Variants in CA1 observed in about 807,000 individuals in gnomAD.
CA1 encodes the protein carbonate dehydratase I.
In CA1, 27 loss-of-function variants were observed where a neutral mutation model predicts 28.8. That is an observed-to-expected ratio of 0.94 (90% CI 0.69 to 1.29). The LOEUF (loss-of-function observed/expected upper bound fraction) is 1.29, where lower values mean the gene tolerates loss of function less well. CA1 is among the 50% of genes most tolerant of loss of function. CA1 has a pLI of 0.00. For synonymous variants in CA1, 121 were observed against 108.8 expected, an observed-to-expected ratio of 1.11 and a Z score of -0.70; for missense variants, 335 against 310.5, an observed-to-expected ratio of 1.08 and a Z score of -0.59.
intron 5 of CA1, among the ~76,000 whole-genome samples, chr8:85,332,850 C>T (rs895664963): frequency 6.6e-6 from 1 of 152,046 alleles, no homozygotes; most frequent in Admixed American, 6.6e-5. Context: ...AAAACTGACA[C>T]AAAAACAAAT....
At chr8:85,348,499 T>C (rs993736061) in intron 1 of CA1, among the ~76,000 whole-genome samples, 1 of 152,188 alleles carries the variant, frequency 6.6e-6, no homozygotes. Flanking sequence ...GCAAGAGCAC[T>C]ATTTGAATTA....
chr8:85,333,711 A>G (rs1265541832), intron 4 of CA1, 91 bp from the exon 5 acceptor site: 3 of 822,950 alleles, frequency 3.6e-6, no homozygotes, highest in East Asian at 2.7e-5. Context: ...ATGATGATGT[A>G]TCTTGGCTTA....
At chr8:85,375,344 T>G (rs1157224955) in intron 1 of CA1, among the ~76,000 whole-genome samples, 1 of 152,184 alleles carries the variant, frequency 6.6e-6, no homozygotes, top group Non-Finnish European at 1.5e-5. Context: ...AACTCACCTA[T>G]CGCATGCTGG....
At chr8:85,375,054 A>T (rs762354514) in intron 1 of CA1, among the ~76,000 whole-genome samples, 2 of 152,220 alleles carry the variant, frequency 1.3e-5, no homozygotes, top group Non-Finnish European at 2.9e-5. Context: ...TATATAAAAC[A>T]TATGATTGTG....
intron 2 of CA1, among the ~76,000 whole-genome samples, chr8:85,339,266 A>T (rs570724970): frequency 6.6e-6 from 1 of 152,232 alleles, no homozygotes; most frequent in East Asian, 1.9e-4. Context: ...GCATGTGTTT[A>T]TTTCACGTCT....
At chr8:85,374,341 T>C (rs1027255883) in intron 1 of CA1, among the ~76,000 whole-genome samples, 1 of 152,164 alleles carries the variant, frequency 6.6e-6, no homozygotes, top group South Asian at 2.1e-4. Flanking sequence ...TTATTTTCTG[T>C]AGAGAGAATA....
chr8:85,345,634 G>A (rs2130254402), intron 1 of CA1, among the ~76,000 whole-genome samples: 1 of 152,220 alleles, frequency 6.6e-6, no homozygotes, highest in South Asian at 2.1e-4. Context: ...TAAAGATGTA[G>A]AAGAGCAGAA....
At chr8:85,337,992 A>G (rs1585922388) in intron 3 of CA1, 5 of 610,274 alleles carry the variant, frequency 8.2e-6, no homozygotes, top group Middle Eastern at 2.8e-4. Context: ...CAGTGAAGTG[A>G]GCATACAGAT....
intron 1 of CA1, among the ~76,000 whole-genome samples, chr8:85,358,640 G>A (rs374491332): frequency 1.3e-5 from 2 of 152,258 alleles, no homozygotes; most frequent in African/African-American, 4.8e-5. Flanking sequence ...CTGCCTTCTG[G>A]TATCCATACC....
chr8:85,338,321 T>C lies in CA1; in HGVS notation c.166A>G (p.Thr56Ala), dbSNP rs776056605. 1.2e-6 allele frequency: 2 copies of C among 1,614,034 alleles called. No homozygotes were observed. Among genetic ancestry groups the C allele is most frequent in the Admixed American group, 3.3e-5 (2 of 60,010 alleles). ...KPISVSYNPA[T>A]AKEIINVGHS... Reference sequence around the variant, plus strand: ...CCCACATTGATAATTTCTTTGGCTGTGGCTGGGTTGTAGGAGACACTAATA... The same window carrying C: ...CCCACATTGATAATTTCTTTGGCTGCGGCTGGGTTGTAGGAGACACTAATA... Residue 56 changes from threonine to alanine, a missense_variant, in exon 3 of 8, where the codon ACA (threonine) becomes GCA (alanine). Coordinates refer to ENST00000523022, the MANE Select transcript of CA1 (RefSeq NM_001128831.4).
intron 4 of CA1, 23 bp from the exon 5 acceptor site, chr8:85,333,643 T>A: frequency 7.1e-7 from 1 of 1,402,400 alleles, no homozygotes; most frequent in Non-Finnish European, 1.0e-6. Flanking sequence ...CTATGGTTAA[T>A]TAATTATTTA....
chr8:85,365,609 A>G (rs1457945530), intron 1 of CA1, among the ~76,000 whole-genome samples: 3 of 152,298 alleles, frequency 2.0e-5, no homozygotes, highest in South Asian at 2.1e-4. Context: ...TGCTTGTGTT[A>G]TATTCTAAAT....
chr8:85,340,267 C>G (rs910489604), intron 2 of CA1, among the ~76,000 whole-genome samples: 1 of 152,142 alleles, frequency 6.6e-6, no homozygotes, highest in African/African-American at 2.4e-5. Flanking sequence ...TCTGAAAATC[C>G]TAGGACCCTT....
intron 1 of CA1, among the ~76,000 whole-genome samples, chr8:85,345,982 G>T (rs1414350299): frequency 6.6e-6 from 1 of 152,016 alleles, no homozygotes; most frequent in Non-Finnish European, 1.5e-5. Flanking sequence ...TGTAACTAAA[G>T]AAAAGTTTCA....
At chr8:85,368,862 G>A (rs2466766) in intron 1 of CA1, among the ~76,000 whole-genome samples, 1 of 152,206 alleles carries the variant, frequency 6.6e-6, no homozygotes, top group South Asian at 2.1e-4. Context: ...CTTTCCAACA[G>A]GTCCTCCTTC....
In CA1 at chr8:85,329,820, A is replaced by C; in HGVS notation, c.538T>G (p.Phe180Val). The C allele has an allele frequency of 3.1e-6, 5 of 1,597,304 alleles. No individual in the cohort carries two copies. The highest frequency in any genetic ancestry group is 4.3e-6 in the Non-Finnish European group (5 of 1,170,234). ...GAAGGAAGGAGAGTAGAGGGGTCAA[A>C]ATTTGTGAATGGGGCTCGTTTGCCC... is the stretch of plus-strand genomic sequence containing the variant. ...TKGKRAPFTN[F>V]DPSTLLPSSL... Residue 180 changes from phenylalanine to valine, a missense_variant, in exon 7 of 8, where the codon TTT (phenylalanine) becomes GTT (valine). Transcript: ENST00000523022.
At chr8:85,339,469 A>G (rs1050015029) in intron 2 of CA1, among the ~76,000 whole-genome samples, 5 of 152,150 alleles carry the variant, frequency 3.3e-5, no homozygotes, top group East Asian at 1.9e-4. Context: ...TTCCCCATCT[A>G]TCTCCCTCTC....
intron 1 of CA1, among the ~76,000 whole-genome samples, chr8:85,353,295 T>C (rs956865108): frequency 6.6e-6 from 1 of 152,224 alleles, no homozygotes; most frequent in African/African-American, 2.4e-5. Flanking sequence ...TTATTTATGA[T>C]CTTAATTTAA....
In CA1 at chr8:85,345,101, G is replaced by T. The variant is rs566913829; in HGVS notation, c.-24-3442C>A. Among the ~76,000 whole-genome samples the T allele has an allele frequency of 1.6e-4, 25 of 152,278 alleles. 1 individual carries two copies. The South Asian group carries it at 5.2e-3, about 32-fold the overall frequency. ...TCTGATTAATCAACTGAAGTGGCAG[G>T]ATGGGTTATCTGGATTTCACAGCTA... On this transcript the variant is annotated intron_variant, in intron 1 of 7. Coordinates refer to ENST00000523022, the MANE Select transcript of CA1 (RefSeq NM_001128831.4).
Sources: allele counts gnomAD v4.1 joint callset (sites outside exome capture counted in the v4.1 genomes callset), GRCh38; gene constraint gnomAD v4.1.1; transcripts MANE v1.5; gene names NCBI Gene and HGNC (gene_info 2026-07-23, HGNC 2026-07-21).